The following DPF3 variants were observed in gnomAD, a reference collection of about 807,000 sequenced individuals.
The protein encoded by DPF3 is zinc finger protein DPF3.
Under a neutral mutation model 56.8 loss-of-function variants are expected in DPF3, and 18 were observed. The ratio of observed to expected loss-of-function variants is 0.32; its 90% CI spans 0.22 to 0.47. The LOEUF is 0.47. DPF3 is among the 20% of genes least tolerant of loss of function. The pLI, the probability that DPF3 is intolerant of heterozygous loss-of-function variation, is 1.00. For missense variants in DPF3, 403 were observed against 488.8 expected (o/e 0.82, Z 1.65); for synonymous variants, 188 against 180.2 (o/e 1.04, Z -0.35).
At chr14:72,845,276 C>T (rs963821256) in intron 1 of DPF3, among the ~76,000 whole-genome samples, 1 of 152,170 alleles carries the variant, frequency 6.6e-6, no homozygotes, top group Non-Finnish European at 1.5e-5. Flanking sequence ...AAATGAGGTA[C>T]ACAGGGAGAA....
intron 7 of DPF3, among the ~76,000 whole-genome samples, chr14:72,689,110 G>A (rs1038085952): frequency 8.5e-5 from 13 of 152,152 alleles, no homozygotes; most frequent in African/African-American, 2.2e-4. Context: ...GGGCGGGGGC[G>A]GGGAAGGTCA....
rs1162013840 is a variant in DPF3 at position 72,613,008 on chromosome 14, G to GTA, written c.*6288_*6289insTA. On this transcript the variant is annotated 3_prime_UTR_variant, in exon 11 of 11. Coordinates refer to ENST00000556509, the MANE Select transcript of DPF3 (RefSeq NM_001280542.3). ...TTAAGTAGGGCGTGTGTGTGTGTGT[G>GTA]TGTGTGTGTGTGTGTGTGTGTGTAT... Among the ~76,000 whole-genome samples the GTA allele has an allele frequency of 6.6e-6, 1 of 151,886 alleles. No homozygotes were observed. The highest frequency in any genetic ancestry group is 1.5e-5 in the Non-Finnish European group (1 of 67,938).
chr14:72,822,105 T>A (rs1489398228), intron 1 of DPF3, among the ~76,000 whole-genome samples: 1 of 152,218 alleles, frequency 6.6e-6, no homozygotes, highest in East Asian at 1.9e-4. Context: ...TGTCCTAGGC[T>A]GGGCGCAGTG....
chr14:72,825,038 C>T (rs1311017819), intron 1 of DPF3, among the ~76,000 whole-genome samples: 1 of 151,762 alleles, frequency 6.6e-6, no homozygotes, highest in African/African-American at 2.4e-5. Context: ...CAGGCGCATG[C>T]CACCATGCCC....
intron 5 of DPF3, among the ~76,000 whole-genome samples, chr14:72,721,446 G>C (rs1053613254): frequency 2.6e-5 from 4 of 152,272 alleles, no homozygotes; most frequent in Non-Finnish European, 1.5e-5. Flanking sequence ...AAAGGCCCAG[G>C]AAGTCCAAGC....
chr14:72,842,895 C>T (rs997309926), intron 1 of DPF3, among the ~76,000 whole-genome samples: 12 of 151,986 alleles, frequency 7.9e-5, no homozygotes, highest in East Asian at 1.9e-4. Context: ...TGGTGGCAGA[C>T]GCTTGTTATC....
At chr14:72,888,493 C>A (rs1435595934) in intron 1 of DPF3, among the ~76,000 whole-genome samples, 2 of 152,314 alleles carry the variant, frequency 1.3e-5, no homozygotes, top group African/African-American at 2.4e-5. Flanking sequence ...CATCTCTCCC[C>A]AGTCACTCAA....
chr14:72,853,034 CGTGTGTGTGTGTGTAT>C (rs1321404468), intron 1 of DPF3, among the ~76,000 whole-genome samples: 2 of 144,002 alleles, frequency 1.4e-5, no homozygotes, highest in African/African-American at 5.1e-5. Context: ...CATAGCCTTG[CGTGTGTGTGTGTGTAT>C]GTGTGTGTGT....
intron 1 of DPF3, among the ~76,000 whole-genome samples, chr14:72,786,434 G>A (rs1892212283): frequency 6.6e-6 from 1 of 152,142 alleles, no homozygotes; most frequent in Non-Finnish European, 1.5e-5. Flanking sequence ...ACATAGCCCA[G>A]GACTAATTTT....
At chr14:72,789,098 T>C (rs1353732383) in intron 1 of DPF3, among the ~76,000 whole-genome samples, 1 of 152,224 alleles carries the variant, frequency 6.6e-6, no homozygotes, top group Non-Finnish European at 1.5e-5. Context: ...CTGTGGTTTC[T>C]TTAAACGCAC....
intron 3 of DPF3, among the ~76,000 whole-genome samples, chr14:72,746,072 A>G (rs1890310999): frequency 6.6e-6 from 1 of 152,224 alleles, no homozygotes; most frequent in South Asian, 2.1e-4. Context: ...CAGAAAGGGC[A>G]TCATACGTTT....
intron 1 of DPF3, among the ~76,000 whole-genome samples, chr14:72,824,914 G>A (rs1008518038): frequency 1.3e-5 from 2 of 151,576 alleles, no homozygotes; most frequent in African/African-American, 4.9e-5. Context: ...TTGAGATGGA[G>A]TCTCACTCTG....
intron 8 of DPF3, among the ~76,000 whole-genome samples, chr14:72,663,162 T>G (rs1375674028): frequency 4.3e-5 from 2 of 46,960 alleles, no homozygotes; most frequent in African/African-American, 1.1e-4. Context: ...GAACTGGGTG[T>G]TAGCAAAAAA....
Position 72,614,238 on chromosome 14 carries a change from G to A in DPF3, c.*5059C>T, listed in dbSNP as rs1310675326. On this transcript the variant is annotated 3_prime_UTR_variant, in exon 11 of 11. Transcript: ENST00000556509. ...GCTATGGAGCCCACCTTCTGACCAC[G>A]GACCAGTTAGACTCTATGGCAAGCT... Among the ~76,000 whole-genome samples the A allele has an allele frequency of 1.3e-5, 2 of 152,182 alleles. No homozygotes were observed. The highest frequency in any genetic ancestry group is 6.5e-5 in the Admixed American group (1 of 15,284).
chr14:72,714,888 C>T (rs1334065033), intron 5 of DPF3, among the ~76,000 whole-genome samples: 1 of 152,212 alleles, frequency 6.6e-6, no homozygotes, highest in Non-Finnish European at 1.5e-5. Context: ...GCCGCTTCCT[C>T]CTGCTCCTTA....
intron 1 of DPF3, among the ~76,000 whole-genome samples, chr14:72,842,660 G>A (rs1316042557): frequency 6.6e-6 from 1 of 152,178 alleles, no homozygotes; most frequent in African/African-American, 2.4e-5. Context: ...GTGAACATAT[G>A]TGCACTTTTT....
intron 6 of DPF3, 53 bp downstream of exon 6, chr14:72,714,370 C>A (rs555977158): frequency 1.2e-6 from 2 of 1,604,312 alleles, no homozygotes; most frequent in African/African-American, 1.3e-5. Context: ...GGAAGAGGGG[C>A]CCTGGGGGCA....
At chr14:72,694,765 A>G (rs1887837899) in intron 6 of DPF3, among the ~76,000 whole-genome samples, 1 of 152,208 alleles carries the variant, frequency 6.6e-6, no homozygotes, top group Admixed American at 6.5e-5. Context: ...ACTGTTTAGA[A>G]CGATGTATCT....
chr14:72,737,952 T>TTTTC (rs1487061972), intron 3 of DPF3, among the ~76,000 whole-genome samples: 1 of 152,114 alleles, frequency 6.6e-6, no homozygotes, highest in Non-Finnish European at 1.5e-5. Context: ...AAACATGCAG[T>TTTTC]TTTCTCGTCT....
Sources: gnomAD v4.1 joint callset for allele counts (sites outside exome capture counted in the v4.1 genomes callset) on GRCh38, gnomAD v4.1.1 for gene constraint, MANE v1.5 for transcripts, NCBI Gene and HGNC (gene_info 2026-07-23, HGNC 2026-07-21) for gene names.